Variants in IMMP2L observed in about 807,000 individuals in gnomAD.
The protein encoded by IMMP2L is mitochondrial inner membrane protease subunit 2.
Under a neutral mutation model 19.3 loss-of-function variants are expected in IMMP2L, and 18 were observed. The observed-to-expected ratio is 0.93, with a 90% confidence interval of 0.64 to 1.38. IMMP2L has a LOEUF of 1.38. Ranked by LOEUF, IMMP2L falls within the 40% of genes most tolerant of loss-of-function variation. The pLI is 0.00. For missense variants in IMMP2L, 233 were observed against 218.2 expected (o/e 1.07, Z -0.43); for synonymous variants, 76 against 73.0 (o/e 1.04, Z -0.21).
At chr7:111,472,046 C>T (rs1243790895) in intron 3 of IMMP2L, among the ~76,000 whole-genome samples, 1 of 151,754 alleles carries the variant, frequency 6.6e-6, no homozygotes, top group Non-Finnish European at 1.5e-5. Flanking sequence ...GTACCACATT[C>T]AATAAAATGA....
chr7:110,817,171 T>G (rs906832446), intron 5 of IMMP2L, among the ~76,000 whole-genome samples: 1 of 152,148 alleles, frequency 6.6e-6, no homozygotes, highest in Non-Finnish European at 1.5e-5. Flanking sequence ...GAAGTCTAAT[T>G]GTCCCTGTTT....
intron 3 of IMMP2L, among the ~76,000 whole-genome samples, chr7:111,402,926 A>T (rs967227057): frequency 6.6e-6 from 1 of 150,524 alleles, no homozygotes; most frequent in African/African-American, 2.5e-5. Flanking sequence ...TTTCTCTGAG[A>T]CAGGGTTTCA....
At chr7:110,674,646 C>T (rs912933196) in intron 5 of IMMP2L, among the ~76,000 whole-genome samples, 3 of 152,148 alleles carry the variant, frequency 2.0e-5, no homozygotes, top group Non-Finnish European at 4.4e-5. Flanking sequence ...AAAGTCAAAA[C>T]GAACTGAAAC....
intron 5 of IMMP2L, among the ~76,000 whole-genome samples, chr7:110,816,813 T>C (rs968416715): frequency 6.6e-6 from 1 of 151,992 alleles, no homozygotes; most frequent in Non-Finnish European, 1.5e-5. Flanking sequence ...GTTTTCCATT[T>C]GCTTGGTAGA....
chr7:110,676,977 C>T (rs1344089024), intron 5 of IMMP2L, among the ~76,000 whole-genome samples: 9 of 152,268 alleles, frequency 5.9e-5, no homozygotes, highest in Admixed American at 2.6e-4. Context: ...TGTGACGTCA[C>T]GCATTCAACA....
At chr7:110,667,011 A>C (rs1051689166) in intron 5 of IMMP2L, among the ~76,000 whole-genome samples, 1 of 152,102 alleles carries the variant, frequency 6.6e-6, no homozygotes, top group Non-Finnish European at 1.5e-5. Context: ...AGCTGGGACT[A>C]CGGGCACCAG....
chr7:111,491,391 T>G (rs537428161), intron 2 of IMMP2L, among the ~76,000 whole-genome samples: 1 of 152,228 alleles, frequency 6.6e-6, no homozygotes, highest in African/African-American at 2.4e-5. Flanking sequence ...AAGAGTGAAC[T>G]GCGCTACCTT....
At chr7:110,752,970 A>G (rs946886336) in intron 5 of IMMP2L, among the ~76,000 whole-genome samples, 1 of 152,120 alleles carries the variant, frequency 6.6e-6, no homozygotes, top group African/African-American at 2.4e-5. Flanking sequence ...TTTAAAGGAA[A>G]GAATCTCATA....
At chr7:111,031,407 T>A (rs200075888) in intron 3 of IMMP2L, among the ~76,000 whole-genome samples, 6 of 147,102 alleles carry the variant, frequency 4.1e-5, no homozygotes, top group African/African-American at 1.0e-4. Flanking sequence ...TGTGTGTGTG[T>A]GAGAGAAAGA....
intron 5 of IMMP2L, among the ~76,000 whole-genome samples, chr7:110,850,385 C>T (rs371592373): frequency 2.6e-5 from 4 of 152,110 alleles, no homozygotes; most frequent in Non-Finnish European, 5.9e-5. Context: ...GAAGTTACTG[C>T]CCCTTTCTTT....
intron 3 of IMMP2L, among the ~76,000 whole-genome samples, chr7:111,482,144 C>G (rs932812509): frequency 6.6e-6 from 1 of 152,202 alleles, no homozygotes; most frequent in Non-Finnish European, 1.5e-5. Context: ...CACCACATTT[C>G]AAGTGTTCAG....
At chr7:110,898,400 T>C (rs1811536250) in intron 4 of IMMP2L, among the ~76,000 whole-genome samples, 1 of 152,154 alleles carries the variant, frequency 6.6e-6, no homozygotes. Context: ...ATCCTTCATT[T>C]TGCCGTTGCT....
intron 1 of IMMP2L, among the ~76,000 whole-genome samples, chr7:111,523,230 T>C (rs1484144265): frequency 1.3e-5 from 2 of 152,044 alleles, no homozygotes; most frequent in African/African-American, 4.8e-5. Context: ...GTACAGTTAA[T>C]GGTAAGATAT....
intron 3 of IMMP2L, among the ~76,000 whole-genome samples, chr7:111,277,636 T>C (rs914870671): frequency 6.6e-6 from 1 of 150,652 alleles, no homozygotes; most frequent in Non-Finnish European, 1.5e-5. Flanking sequence ...GGAACGCTTG[T>C]AGGAATTTCA....
chr7:111,433,889 A>G (rs1181825752), intron 3 of IMMP2L, among the ~76,000 whole-genome samples: 1 of 151,862 alleles, frequency 6.6e-6, no homozygotes, highest in African/African-American at 2.4e-5. Flanking sequence ...CTACAGGTTC[A>G]ACACAATCCC....
chr7:110,723,633 T>A (rs1432851531), intron 5 of IMMP2L, among the ~76,000 whole-genome samples: 1 of 152,148 alleles, frequency 6.6e-6, no homozygotes, highest in Non-Finnish European at 1.5e-5. Context: ...GTAAGATATC[T>A]TAATAAAATG....
intron 3 of IMMP2L, among the ~76,000 whole-genome samples, chr7:111,364,884 C>T (rs1316232651): frequency 1.3e-5 from 2 of 151,014 alleles, no homozygotes; most frequent in Non-Finnish European, 2.9e-5. Flanking sequence ...GCAGGAGAAT[C>T]GCTTGAACCC....
At chr7:111,414,835 C>T (rs985953670) in intron 3 of IMMP2L, among the ~76,000 whole-genome samples, 1 of 151,658 alleles carries the variant, frequency 6.6e-6, no homozygotes, top group Non-Finnish European at 1.5e-5. Context: ...TTTAAAAAAA[C>T]ACATTTTCAA....
intron 3 of IMMP2L, among the ~76,000 whole-genome samples, chr7:111,077,212 G>C (rs1795489646): frequency 6.6e-6 from 1 of 152,220 alleles, no homozygotes; most frequent in Non-Finnish European, 1.5e-5. Flanking sequence ...TCTCCCTTCA[G>C]GGAAATAAAT....
Sources: gnomAD v4.1 joint callset for allele counts (sites outside exome capture counted in the v4.1 genomes callset) on GRCh38, gnomAD v4.1.1 for gene constraint, MANE v1.5 for transcripts, NCBI Gene and HGNC (gene_info 2026-07-23, HGNC 2026-07-21) for gene names.